HMCN1: variants seen among roughly 807,000 people sequenced by gnomAD.
HMCN1 encodes hemicentin 1.
A neutral mutation model predicts 625.9 loss-of-function variants in HMCN1; 321 were observed. That is an observed-to-expected ratio of 0.51 (90% confidence interval 0.47 to 0.56). The LOEUF (loss-of-function observed/expected upper bound fraction) is 0.56, where lower values mean the gene tolerates loss of function less well. Among genes scored for constraint, HMCN1 ranks in the 20% least tolerant of loss-of-function variants. The pLI is 0.00. For synonymous variants in HMCN1, 2,425 were observed against 2,417.6 expected, an observed-to-expected ratio of 1.00 and a Z score of -0.09; for missense variants, 6,588 against 6,887.3, an observed-to-expected ratio of 0.96 and a Z score of 1.54.
chr1:186,055,945 A>G (rs1040160042), intron 45 of HMCN1, among the ~76,000 whole-genome samples: 2 of 152,008 alleles, frequency 1.3e-5, no homozygotes, highest in African/African-American at 4.8e-5. Flanking sequence ...TTTTGGTCCA[A>G]TGCTATCCCA....
intron 4 of HMCN1, among the ~76,000 whole-genome samples, chr1:185,866,219 A>T (rs1180531657): frequency 6.6e-6 from 1 of 152,064 alleles, no homozygotes; most frequent in Non-Finnish European, 1.5e-5. Flanking sequence ...CTGAAGTAGA[A>T]TGCGAAAAAG....
intron 52 of HMCN1, among the ~76,000 whole-genome samples, chr1:186,070,990 T>C (rs1458081176): frequency 6.6e-6 from 1 of 152,198 alleles, no homozygotes; most frequent in Non-Finnish European, 1.5e-5. Flanking sequence ...TATTTTGTAA[T>C]TGTATTTGTA....
At position 185,925,095 on chromosome 1, in the gene HMCN1, A is replaced by G; in HGVS notation, c.1334A>G (p.Gln445Arg). ...MPEKTPGYYL[Q>R]PGQIPCSVDS... ...GAGAAAACCCCAGGATACTATCTGCAGCCGGGCCAAATTCCCTGCTCTGTT... is the reference window on the plus strand; with the variant it reads ...GAGAAAACCCCAGGATACTATCTGCGGCCGGGCCAAATTCCCTGCTCTGTT... The change falls in exon 9 of 107, where the codon CAG (glutamine) becomes CGG (arginine). Residue 445 changes from glutamine to arginine, a missense_variant. By Grantham distance (43) the Gln-to-Arg change is conservative (BLOSUM62 1). Transcript: ENST00000271588. 1.2e-6 allele frequency: 2 copies of G among 1,614,034 alleles called. No homozygotes were observed. Among genetic ancestry groups the G allele is most frequent in the Admixed American group, 3.3e-5 (2 of 60,020 alleles).
At chr1:186,025,104 C>T (rs1200163746) in intron 36 of HMCN1, among the ~76,000 whole-genome samples, 3 of 152,160 alleles carry the variant, frequency 2.0e-5, no homozygotes, top group Non-Finnish European at 4.4e-5. Flanking sequence ...ATTATATTAT[C>T]GTAATGAACA....
intron 11 of HMCN1, among the ~76,000 whole-genome samples, chr1:185,949,576 A>T (rs1291854725): frequency 6.6e-6 from 1 of 151,926 alleles, no homozygotes; most frequent in African/African-American, 2.4e-5. Context: ...ACTGAATACT[A>T]AGAGCCTGAA....
chr1:186,071,655 T>G (rs1169407366), intron 52 of HMCN1, among the ~76,000 whole-genome samples: 1 of 152,174 alleles, frequency 6.6e-6, no homozygotes, highest in Non-Finnish European at 1.5e-5. Context: ...CTTTATTTTT[T>G]CAGATTTCAG....
At chr1:185,978,467 T>C (rs1194258686) in intron 16 of HMCN1, among the ~76,000 whole-genome samples, 1 of 152,192 alleles carries the variant, frequency 6.6e-6, no homozygotes, top group African/African-American at 2.4e-5. Context: ...TCAAATACTT[T>C]CTTATCTAAA....
In HMCN1 at chr1:185,931,044, C is replaced by T. The variant is rs187592250; in HGVS notation, c.1552+2377C>T. 7.6e-4 allele frequency among the ~76,000 whole-genome samples: 116 copies of T among 152,016 alleles called. 1 individual carries two copies. The highest frequency in any genetic ancestry group is 5.8e-4 in the East Asian group (3 of 5,178). Reference sequence around the variant, plus strand: ...CCTTAAATTATAATTACAGAATATTCTTTTAGAAGGCTAAGATTTGGAAAT... The same window carrying T: ...CCTTAAATTATAATTACAGAATATTTTTTTAGAAGGCTAAGATTTGGAAAT... On this transcript the variant is annotated intron_variant, in intron 10 of 106. Transcript: ENST00000271588.
At chr1:186,162,388 G>A (rs1267110868) in intron 97 of HMCN1, among the ~76,000 whole-genome samples, 1 of 151,904 alleles carries the variant, frequency 6.6e-6, no homozygotes, top group African/African-American at 2.4e-5. Context: ...CTCATAGTTT[G>A]ATCATCTGAA....
intron 4 of HMCN1, among the ~76,000 whole-genome samples, chr1:185,884,857 G>C (rs1425301032): frequency 6.6e-6 from 1 of 151,924 alleles, no homozygotes; most frequent in Non-Finnish European, 1.5e-5. Flanking sequence ...TGAAAAAATG[G>C]CTTAAAGAAT....
intron 1 of HMCN1, among the ~76,000 whole-genome samples, chr1:185,841,801 C>G (rs533343586): frequency 1.3e-5 from 2 of 152,132 alleles, no homozygotes; most frequent in Non-Finnish European, 2.9e-5. Flanking sequence ...ATAATTATGT[C>G]TATCCTACCT....
At chr1:185,760,052 GTCATGTT>G (rs1655390430) in intron 1 of HMCN1, among the ~76,000 whole-genome samples, 1 of 152,114 alleles carries the variant, frequency 6.6e-6, no homozygotes, top group African/African-American at 2.4e-5. Flanking sequence ...GGTGAGCAAG[GTCATGTT>G]TTGGGGTATG....
intron 15 of HMCN1, among the ~76,000 whole-genome samples, chr1:185,970,758 G>A (rs899635239): frequency 3.3e-5 from 5 of 151,520 alleles, no homozygotes; most frequent in Admixed American, 1.3e-4. Flanking sequence ...CCCCATGTTC[G>A]AGCAATTCTC....
intron 40 of HMCN1, among the ~76,000 whole-genome samples, chr1:186,044,443 T>G (rs1455486753): frequency 6.6e-6 from 1 of 152,098 alleles, no homozygotes; most frequent in Non-Finnish European, 1.5e-5. Flanking sequence ...ACCCTTTCCC[T>G]CTGTAGCAGA....
At chr1:186,189,080 GA>G (rs1188421368) in intron 106 of HMCN1, among the ~76,000 whole-genome samples, 1 of 152,062 alleles carries the variant, frequency 6.6e-6, no homozygotes, top group East Asian at 1.9e-4. Context: ...ATTATTTTTA[GA>G]AAAAATGTCA....
At chr1:186,075,357 C>G (rs1445122973) in intron 53 of HMCN1, among the ~76,000 whole-genome samples, 1 of 151,804 alleles carries the variant, frequency 6.6e-6, no homozygotes, top group African/African-American at 2.4e-5. Flanking sequence ...ACATGTACCC[C>G]ATAAACATAA....
At chr1:186,168,943 G>A (rs1652058036) in intron 100 of HMCN1, among the ~76,000 whole-genome samples, 1 of 152,016 alleles carries the variant, frequency 6.6e-6, no homozygotes, top group Non-Finnish European at 1.5e-5. Context: ...ACAGGCCCTG[G>A]TGCCTGATAT....
chr1:185,863,501 A>C lies in HMCN1; in HGVS notation c.340-969A>C, dbSNP rs186727362. The stretch of plus-strand genomic sequence containing the variant: ...CAACAGCAGTGAAATGGTTGACTAA[A>C]GTATGGAATATAGACATAATAGAAT... On this transcript the variant is annotated intron_variant, in intron 2 of 106. Coordinates refer to ENST00000271588, the MANE Select transcript of HMCN1 (RefSeq NM_031935.3). Among the ~76,000 whole-genome samples, 45 of 152,358 alleles carry C rather than the reference A, an allele frequency of 3.0e-4. 1 individual carries two copies. In the East Asian group the frequency reaches 8.7e-3, roughly 29 times the overall value.
At chr1:186,036,826 G>C (rs1037307032) in intron 36 of HMCN1, among the ~76,000 whole-genome samples, 2 of 151,846 alleles carry the variant, frequency 1.3e-5, no homozygotes, top group African/African-American at 4.8e-5. Flanking sequence ...TCCTGACCTT[G>C]TGATTTGCCT....
Sources: gnomAD v4.1 joint callset for allele counts (sites outside exome capture counted in the v4.1 genomes callset) on GRCh38, gnomAD v4.1.1 for gene constraint, MANE v1.5 for transcripts, NCBI Gene and HGNC (gene_info 2026-07-23, HGNC 2026-07-21) for gene names.